Variants in GNE observed in about 807,000 individuals in gnomAD.
The protein encoded by GNE is glucosamine (UDP-N-acetyl)-2-epimerase/N-acetylmannosamine kinase, also known as bifunctional UDP-N-acetylglucosamine 2-epimerase/N-acetylmannosamine kinase.
A neutral mutation model predicts 61.8 loss-of-function variants in GNE; 41 were observed. That is an observed-to-expected ratio of 0.66 (90% CI 0.52 to 0.86). The LOEUF (loss-of-function observed/expected upper bound fraction) is 0.86, where lower values mean the gene tolerates loss of function less well. Among genes scored for constraint, GNE ranks in the 40% least tolerant of loss-of-function variants. The probability of loss-of-function intolerance (pLI) is 0.00; values close to 1 mark genes in which losing one functional copy is unlikely to be tolerated. For synonymous variants in GNE, 264 were observed against 326.4 expected (o/e 0.81, Z 2.06); for missense variants, 608 against 909.1 (o/e 0.67, Z 4.26).
upstream of GNE, among the ~76,000 whole-genome samples, chr9:36,259,724 G>T (rs1048611882): frequency 6.6e-6 from 1 of 152,150 alleles, no homozygotes; most frequent in Admixed American, 6.5e-5. Context: ...ACAGTGGTAC[G>T]ATCTCAGCTC....
intron 3 of GNE, among the ~76,000 whole-genome samples, chr9:36,242,172 A>T (rs1257005162): frequency 6.6e-6 from 1 of 152,106 alleles, no homozygotes; most frequent in East Asian, 1.9e-4. Context: ...AAGAAAAAAA[A>T]AAAGAAGTTG....
At chr9:36,249,798 G>A (rs967350770) in intron 1 of GNE, among the ~76,000 whole-genome samples, 4 of 151,896 alleles carry the variant, frequency 2.6e-5, no homozygotes, top group Admixed American at 2.6e-4. Context: ...GCAGAAGAAT[G>A]GCGTGAACCC....
intron 6 of GNE, among the ~76,000 whole-genome samples, chr9:36,227,732 A>C (rs959823130): frequency 1.1e-4 from 17 of 152,082 alleles, no homozygotes; most frequent in Non-Finnish European, 2.4e-4. Context: ...AATTTTAAAA[A>C]TCATGTTTAA....
intron 1 of GNE, among the ~76,000 whole-genome samples, chr9:36,275,930 T>C (rs10758357): frequency 0.35 from 53,462 of 152,000 alleles, 10,368 homozygotes; most frequent in Non-Finnish European, 0.44. Context: ...CTCAGCACTT[T>C]GAAAGGCCAA....
chr9:36,216,733 G>A lies in GNE; in HGVS notation c.*632C>T, dbSNP rs1828326806. ...GTCACCCAGGCTGGAGTGCAGTGGT[G>A]CGGTCTCAGTTCACTGCCAGCTCCG... On this transcript the variant is annotated 3_prime_UTR_variant, in exon 12 of 12. Transcript: ENST00000642385. 6.6e-6 allele frequency: 1 copy of A among 151,318 alleles called. No homozygotes were observed. Among genetic ancestry groups the A allele is most frequent in the Non-Finnish European group, 1.5e-5 (1 of 68,950 alleles). 9.4% of individuals were successfully genotyped at this position (151,318 alleles called of 1,614,324 possible).
intron 6 of GNE, among the ~76,000 whole-genome samples, chr9:36,228,793 CAAAAAAAAAA>C (rs71336431): frequency 2.2e-4 from 16 of 72,580 alleles, no homozygotes; most frequent in African/African-American, 7.5e-4. Flanking sequence ...GAGTCCATCT[CAAAAAAAAAA>C]AAAAAAAAAA....
At chr9:36,264,365 G>C in intron 1 of GNE, among the ~76,000 whole-genome samples, 1 of 151,982 alleles carries the variant, frequency 6.6e-6, no homozygotes, top group Non-Finnish European at 1.5e-5. Flanking sequence ...CAACTCCTGA[G>C]CTCAGGCAAT....
intron 8 of GNE, 96 bp from the exon 9 acceptor site, chr9:36,223,094 C>T: frequency 9.4e-6 from 11 of 1,167,018 alleles, no homozygotes; most frequent in Non-Finnish European, 1.4e-5. Context: ...TTCATTCACC[C>T]CAGATCTCCT....
At chr9:36,245,930 A>C in intron 3 of GNE, 101 bp downstream of exon 3, 1 of 938,830 alleles carries the variant, frequency 1.1e-6, no homozygotes, top group Non-Finnish European at 1.7e-6. Flanking sequence ...CTCATTGCTA[A>C]CAGAGTATTC....
At position 36,252,623 on chromosome 9, in the gene GNE, T is replaced by G. The variant is rs1830153389; in HGVS notation, c.-42-3226A>C. On this transcript the variant is annotated intron_variant, in intron 1 of 11. Coordinates refer to ENST00000642385, the MANE Select transcript of GNE (RefSeq NM_005476.7). ...TAAAAAACCTTAAAAAGTCAAAGCT[T>G]TTTCAAGGAAAGAAGTTAAATCTTA... Among the ~76,000 whole-genome samples the G allele has an allele frequency of 2.0e-5, 3 of 152,148 alleles. No individual in the cohort carries two copies. The South Asian group carries it at 6.2e-4, about 31-fold the overall frequency.
At chr9:36,276,097 C>T (rs1831252535) in intron 1 of GNE, among the ~76,000 whole-genome samples, 2 of 152,092 alleles carry the variant, frequency 1.3e-5, no homozygotes, top group Non-Finnish European at 2.9e-5. Context: ...CCCTTGAGCC[C>T]AGGAGTTGAA....
rs1587395445 is a variant in GNE at position 36,274,263 on chromosome 9, T to C, written c.51+2631A>G. ...GGCATGTGCCACCATGTCCGGCTAA[T>C]ATTTGTAATTTTTTTAGAACTAGGG... On this transcript the variant is annotated intron_variant, in intron 1 of 11. Transcript: ENST00000396594. Among the ~76,000 whole-genome samples, 5 of 152,066 alleles carry C rather than the reference T, an allele frequency of 3.3e-5. No individual in the cohort carries two copies. In the South Asian group the frequency reaches 1.0e-3, roughly 32 times the overall value.
rs1554664090 is a variant in GNE, at chr9:36,249,361, G to A, written c.-6C>T. On this transcript the variant is annotated 5_prime_UTR_variant, in exon 2 of 12. Transcript: ENST00000642385. ...TTATTTCCATTCTTCTCCATGATTT[G>A]CTTGTTTCGTTTTGAGAGGTTCTTA... 6.2e-7 allele frequency: 1 copy of A among 1,613,094 alleles called. No individual in the cohort carries two copies. The highest frequency in any genetic ancestry group is 8.5e-7 in the Non-Finnish European group (1 of 1,179,214).
Position 36,218,257 on chromosome 9 carries a change from T to C in GNE, c.1859A>G (p.Glu620Gly). Residue 620 changes from glutamate to glycine, a missense_variant, in exon 11 of 12, where the codon GAG becomes GGG. Physicochemically the swap from Glu to Gly is moderately conservative, Grantham distance 98. Transcript: ENST00000642385. The surrounding 1 kb of genome is among the most constrained non-coding windows in gnomAD (Gnocchi z 4.1). Reference protein sequence around the residue: ...LVEGMSVPKDEAVGALHLIQA... With the variant: ...LVEGMSVPKDGAVGALHLIQA... Reference sequence around the variant, plus strand: ...GATGAGATGGAGCGCACCCACAGCCTCATCTTTTGGCACTGACATCCCTTC... The same window carrying C: ...GATGAGATGGAGCGCACCCACAGCCCCATCTTTTGGCACTGACATCCCTTC... 1 of 1,613,946 alleles carries C rather than the reference T, an allele frequency of 6.2e-7. No individual in the cohort carries two copies. The highest frequency in any genetic ancestry group is 8.5e-7 in the Non-Finnish European group (1 of 1,179,928).
intron 7 of GNE, 62 bp downstream of exon 7, chr9:36,227,186 C>T: frequency 1.9e-6 from 2 of 1,067,824 alleles, no homozygotes; most frequent in East Asian, 4.8e-5. Context: ...ACTATATATA[C>T]TTAAAAAAAA....
intron 10 of GNE, among the ~76,000 whole-genome samples, chr9:36,219,067 A>G (rs1169692903): frequency 1.3e-5 from 2 of 151,924 alleles, no homozygotes; most frequent in Admixed American, 6.6e-5. Flanking sequence ...CTAGACATCA[A>G]CTGGTGGTCT....
chr9:36,274,067 AC>A (rs1831150518), intron 1 of GNE, among the ~76,000 whole-genome samples: 1 of 128,786 alleles, frequency 7.8e-6, no homozygotes, highest in Non-Finnish European at 1.6e-5. Flanking sequence ...GGTCTATGGT[AC>A]TGTGTGTGTG....
intron 1 of GNE, among the ~76,000 whole-genome samples, 154 bp from the exon 2 acceptor site, chr9:36,249,551 TA>T (rs1173932945): frequency 2.0e-5 from 3 of 152,082 alleles, no homozygotes; most frequent in Non-Finnish European, 4.4e-5. Flanking sequence ...CACCTCCACT[TA>T]TGTGTGACTC....
chr9:36,231,658 AATAG>A (rs1215728302), intron 5 of GNE, among the ~76,000 whole-genome samples: 5 of 152,168 alleles, frequency 3.3e-5, no homozygotes, highest in African/African-American at 1.2e-4. Flanking sequence ...CCACTAAGAA[AATAG>A]ATGGGGGCTA....
Sources: allele counts gnomAD v4.1 joint callset (sites outside exome capture counted in the v4.1 genomes callset), GRCh38; gene constraint gnomAD v4.1.1; non-coding constraint Gnocchi (gnomAD v3.1); transcripts MANE v1.5; gene names NCBI Gene and HGNC (gene_info 2026-07-23, HGNC 2026-07-21).